Variants in SHD observed in about 807,000 individuals in gnomAD.
The protein encoded by SHD is Src homology 2 domain containing transforming protein D.
Under a neutral mutation model 31.2 loss-of-function variants are expected in SHD, and 29 were observed. The ratio of observed to expected loss-of-function variants is 0.93; its 90% CI spans 0.69 to 1.27. The LOEUF (loss-of-function observed/expected upper bound fraction) is 1.27, where lower values mean the gene tolerates loss of function less well. SHD is among the 50% of genes most tolerant of loss of function. The probability of loss-of-function intolerance (pLI) is 0.00; values close to 1 mark genes in which losing one functional copy is unlikely to be tolerated. For missense variants in SHD, 520 were observed against 453.8 expected (o/e 1.15, Z -1.33); for synonymous variants, 208 against 187.8 (o/e 1.11, Z -0.88).
Position 4,283,189 on chromosome 19 carries a change from A to C in SHD, c.539A>C (p.Glu180Ala). 6.2e-7 allele frequency: 1 copy of C among 1,614,140 alleles called. No individual in the cohort carries two copies. The highest frequency in any genetic ancestry group is 8.5e-7 in the Non-Finnish European group (1 of 1,180,036). The change falls in exon 3 of 6, where the codon GAG becomes GCG. Residue 180 changes from glutamate to alanine, a missense_variant. Transcript: ENST00000543264. ...MPQEDERPAD[E>A]YDQPWEWKKD... Reference sequence around the variant, plus strand: ...CAGGAAGATGAACGGCCAGCAGATGAGTATGATCAGCCCTGGGAGTGGAAG... The same window carrying C: ...CAGGAAGATGAACGGCCAGCAGATGCGTATGATCAGCCCTGGGAGTGGAAG...
intron 1 of SHD, 54 bp downstream of exon 1, chr19:4,280,414 C>T: frequency 6.7e-7 from 1 of 1,493,040 alleles, no homozygotes; most frequent in Non-Finnish European, 8.9e-7. Context: ...TCAGGATGGG[C>T]TCTCTGGATC....
At chr19:4,289,333 G>C (rs547741261) in intron 5 of SHD, among the ~76,000 whole-genome samples, 4 of 149,270 alleles carry the variant, frequency 2.7e-5, no homozygotes, top group African/African-American at 7.3e-5. Context: ...GGATGGTCTC[G>C]ATCTCCTGAC....
chr19:4,282,556 T>C (rs1270161793), intron 1 of SHD, among the ~76,000 whole-genome samples: 1 of 151,420 alleles, frequency 6.6e-6, no homozygotes, highest in East Asian at 1.9e-4. Flanking sequence ...AAACCCCATC[T>C]CTACAAAAAG....
At chr19:4,285,589 GC>G (rs1158475841) in intron 4 of SHD, among the ~76,000 whole-genome samples, 1 of 149,962 alleles carries the variant, frequency 6.7e-6, no homozygotes, top group Non-Finnish European at 1.5e-5. Context: ...TTGCTGTGTC[GC>G]CCAGGCTGGA....
chr19:4,282,074 G>A lies in SHD; in HGVS notation c.298-796G>A, dbSNP rs16992347. ...CAGAGGGAGACGTGGGAAGCCAGCC[G>A]CTGTCTGCGAGCACTTTTGGGTAAC... On this transcript the variant is annotated intron_variant, in intron 1 of 5. Coordinates refer to ENST00000543264, the MANE Select transcript of SHD (RefSeq NM_020209.4). Among the ~76,000 whole-genome samples, 7 of 152,022 alleles carry A rather than the reference G, an allele frequency of 4.6e-5. No individual in the cohort carries two copies. The East Asian group carries it at 1.4e-3, about 29-fold the overall frequency.
At chr19:4,289,153 C>A (rs1262085469) in intron 5 of SHD, among the ~76,000 whole-genome samples, 1 of 142,480 alleles carries the variant, frequency 7.0e-6, no homozygotes, top group Non-Finnish European at 1.5e-5. Flanking sequence ...CTCTGTCACC[C>A]AGGCTGGAGT....
In SHD at chr19:4,286,772, C is replaced by T. The variant is rs562725593; in HGVS notation, c.717-1471C>T. ...GTGCGTGCCTGTAATCCCAGCTACT[C>T]GGGAGGCTGAGGCAGGAGAATCTCT... is the stretch of plus-strand genomic sequence containing the variant. On this transcript the variant is annotated intron_variant, in intron 4 of 5. Transcript: ENST00000543264. Among the ~76,000 whole-genome samples the T allele has an allele frequency of 6.2e-3, 943 of 151,760 alleles. 5 individuals carry two copies. Among genetic ancestry groups the T allele is most frequent in the Non-Finnish European group, 9.4e-3 (639 of 67,930 alleles).
At position 4,284,771 on chromosome 19, in the gene SHD, T is replaced by G. The variant is rs765007304; in HGVS notation, c.593-10T>G. The G allele has an allele frequency of 1.4e-5, 22 of 1,583,764 alleles. No homozygotes were observed. The highest frequency in any genetic ancestry group is 1.2e-4 in the African/African-American group (9 of 73,622). Reference sequence around the variant, plus strand: ...GACTTAACCCTTTCCTCTCTAAATCTCCTTTCCAGTGCAGTTTGACAGTCC... The same window carrying G: ...GACTTAACCCTTTCCTCTCTAAATCGCCTTTCCAGTGCAGTTTGACAGTCC... On this transcript the variant is annotated splice_polypyrimidine_tract_variant and intron_variant, in intron 3 of 5. Transcript: ENST00000543264.
chr19:4,290,334 G>A (rs1344021277), intron 5 of SHD, 113 bp from the exon 6 acceptor site: 2 of 1,122,246 alleles, frequency 1.8e-6, no homozygotes. Context: ...GTTTACCAGA[G>A]ACTGGAGACA....
At chr19:4,284,754 C>G in intron 3 of SHD, 27 bp from the exon 4 acceptor site, 1 of 1,562,338 alleles carries the variant, frequency 6.4e-7, no homozygotes, top group Non-Finnish European at 8.7e-7. Flanking sequence ...TGGACTTAAC[C>G]CTTTCCTCTC....
chr19:4,280,093 C>G lies in SHD; in HGVS notation c.30C>G (p.Ser10Arg). The change falls in exon 1 of 6, where the codon AGC (serine) becomes AGG (arginine). Residue 10 changes from serine to arginine, a missense_variant. Ser to Arg is a moderately radical substitution (Grantham distance 110). Coordinates refer to ENST00000543264, the MANE Select transcript of SHD (RefSeq NM_020209.4). ...CCAAGTGGCTACGGGACTACCTGAG[C>G]TTTGGGGGTCGGAGGCCCCCTCCGC... Reference protein sequence around the residue: MAKWLRDYLSFGGRRPPPQP... With the variant: MAKWLRDYLRFGGRRPPPQP... 1 of 1,611,478 alleles carries G rather than the reference C, an allele frequency of 6.2e-7. No individual in the cohort carries two copies.
intron 4 of SHD, among the ~76,000 whole-genome samples, chr19:4,287,894 G>T (rs367767577): frequency 1.4e-4 from 12 of 88,532 alleles, no homozygotes; most frequent in Non-Finnish European, 2.7e-4. Context: ...GTGTTTTTTT[G>T]TTTGTTTGTT....
chr19:4,282,191 G>T (rs537340906), intron 1 of SHD, among the ~76,000 whole-genome samples: 1 of 151,950 alleles, frequency 6.6e-6, no homozygotes, highest in Non-Finnish European at 1.5e-5. Flanking sequence ...AGGCTGAAGC[G>T]GGCGGATCAT....
At chr19:4,283,339 A>C (rs779793973) in intron 3 of SHD, 97 bp downstream of exon 3, 7 of 1,236,988 alleles carry the variant, frequency 5.7e-6, no homozygotes, top group Non-Finnish European at 7.8e-6. Context: ...GTAGAGTCCA[A>C]TTACTTGTCA....
Position 4,279,835 on chromosome 19 carries a change from G to A in SHD, c.-229G>A. 1.7e-6 allele frequency: 1 copy of A among 578,900 alleles called. No homozygotes were observed. Among genetic ancestry groups the A allele is most frequent in the Non-Finnish European group, 3.0e-6 (1 of 335,064 alleles). 35.9% of individuals were successfully genotyped at this position (578,900 alleles called of 1,614,324 possible). ...GCGGTGCTTCCCAAGCTGGGCTAAG[G>A]CGGGCTTCTCTTCCTCCCTCCTCTG... On this transcript the variant is annotated 5_prime_UTR_variant, in exon 1 of 6. Transcript: ENST00000543264. The surrounding 1 kb of genome is among the most constrained non-coding windows in gnomAD (Gnocchi z 7.5).
In SHD at chr19:4,284,826, A is replaced by G; in HGVS notation, c.638A>G (p.Lys213Arg). ...TGGGAGAGGACTCCAGGCTCAGCCA[A>G]GGAGCTCCGGAGACCTCCGCCCAGA... is the stretch of plus-strand genomic sequence containing the variant. The part of the protein sequence containing the change: ...PEWERTPGSA[K>R]ELRRPPPRSP... The change falls in exon 4 of 6, where the codon AAG becomes AGG. Residue 213 changes from lysine to arginine, a missense_variant. Transcript: ENST00000543264. 1 of 1,613,222 alleles carries G rather than the reference A, an allele frequency of 6.2e-7. No individual in the cohort carries two copies. The highest frequency in any genetic ancestry group is 1.7e-5 in the Admixed American group (1 of 59,962).
chr19:4,290,563 C>T lies in SHD; in HGVS notation c.953C>T (p.Ser318Leu). 1 of 1,613,744 alleles carries T rather than the reference C, an allele frequency of 6.2e-7. No homozygotes were observed. Among genetic ancestry groups the T allele is most frequent in the East Asian group, 2.2e-5 (1 of 44,876 alleles). ...SVPELVLHYS[S>L]RPLPVQGAEH... ...CCCGAGCTCGTCCTCCACTACAGTTCACGCCCACTGCCGGTGCAGGGTGCC... is the reference window on the plus strand; with the variant it reads ...CCCGAGCTCGTCCTCCACTACAGTTTACGCCCACTGCCGGTGCAGGGTGCC... The change falls in exon 6 of 6, where the codon TCA (serine) becomes TTA (leucine). Residue 318 changes from serine (S) to leucine (L), a missense_variant. Physicochemically the swap from Ser to Leu is moderately radical, Grantham distance 145 (BLOSUM62 -2). Transcript: ENST00000543264.
In SHD at chr19:4,280,204, G is replaced by T; in HGVS notation, c.141G>T (p.Glu47Asp). 1 of 1,613,926 alleles carries T rather than the reference G, an allele frequency of 6.2e-7. No individual in the cohort carries two copies. Among genetic ancestry groups the T allele is most frequent in the South Asian group, 1.1e-5 (1 of 91,086 alleles). The change falls in exon 1 of 6, where the codon GAG becomes GAT. Residue 47 changes from glutamate to aspartate, a missense_variant. By Grantham distance (45) the Glu-to-Asp change is conservative. Coordinates refer to ENST00000543264, the MANE Select transcript of SHD (RefSeq NM_020209.4). ...QKNLDFEDPY[E>D]DAESRLEPDP... ...ACCTGGACTTCGAGGACCCCTATGA[G>T]GACGCGGAGAGCCGCTTGGAGCCGG...
chr19:4,288,326 G>C lies in SHD; in HGVS notation c.800G>C (p.Ser267Thr), dbSNP rs1430775627. The C allele has an allele frequency of 6.2e-7, 1 of 1,613,924 alleles. No individual in the cohort carries two copies. Among genetic ancestry groups the C allele is most frequent in the Admixed American group, 1.7e-5 (1 of 59,974 alleles). ...GAAGGCAGCTACCTAGTGCGGCTCAGTGAGACCAACCCCCAGGACTGCTCC... is the reference window on the plus strand; with the variant it reads ...GAAGGCAGCTACCTAGTGCGGCTCACTGAGACCAACCCCCAGGACTGCTCC... ...CKEGSYLVRLSETNPQDCSLS... is the reference protein window; with the variant it reads ...CKEGSYLVRLTETNPQDCSLS... Residue 267 changes from serine (S) to threonine (T), a missense_variant, in exon 5 of 6, where the codon AGT (serine) becomes ACT (threonine). Ser to Thr is a moderately conservative substitution (Grantham distance 58). Coordinates refer to ENST00000543264, the MANE Select transcript of SHD (RefSeq NM_020209.4).
Sources: allele counts gnomAD v4.1 joint callset (sites outside exome capture counted in the v4.1 genomes callset), GRCh38; gene constraint gnomAD v4.1.1; non-coding constraint Gnocchi (gnomAD v3.1); transcripts MANE v1.5; gene names NCBI Gene and HGNC (gene_info 2026-07-23, HGNC 2026-07-21).